Variants in PTPRD observed in about 807,000 individuals in gnomAD.
PTPRD encodes protein tyrosine phosphatase receptor type D.
PTPRD carries 34 observed loss-of-function variants against 214.5 expected under a neutral mutation model. The ratio of observed to expected loss-of-function variants is 0.16; its 90% CI spans 0.12 to 0.21. PTPRD has a LOEUF of 0.21. Among genes scored for constraint, PTPRD ranks in the 10% least tolerant of loss-of-function variants. The probability of loss-of-function intolerance (pLI) is 1.00; values close to 1 mark genes in which losing one functional copy is unlikely to be tolerated. For synonymous variants in PTPRD, 1,128 were observed against 845.7 expected (o/e 1.33, Z -5.79); for missense variants, 2,545 against 2,398.7 (o/e 1.06, Z -1.27).
rs1007744095 is a variant in PTPRD, at chr9:10,236,870, A to G, written c.-545+104093T>C. On this transcript the variant is annotated intron_variant, in intron 3 of 45. Transcript: ENST00000381196. ...TAAGGTTAATTTTTGTTTATAACTG[A>G]CCATTAACCTGTAAAAAATACTTAC... Among the ~76,000 whole-genome samples, 7 of 151,942 alleles carry G rather than the reference A, an allele frequency of 4.6e-5. No individual in the cohort carries two copies. In the Admixed American group the frequency reaches 4.6e-4, roughly 10 times the overall value.
chr9:8,391,250 G>C (rs894860253), intron 36 of PTPRD, among the ~76,000 whole-genome samples: 1 of 151,998 alleles, frequency 6.6e-6, no homozygotes, highest in Non-Finnish European at 1.5e-5. Context: ...TTGTAAAGTT[G>C]ATCCTCTCAA....
intron 4 of PTPRD, among the ~76,000 whole-genome samples, chr9:9,990,035 A>G (rs968518075): frequency 6.6e-6 from 1 of 152,182 alleles, no homozygotes; most frequent in Non-Finnish European, 1.5e-5. Flanking sequence ...TGTGAGTAAC[A>G]TGGGGATCTG....
chr9:9,670,235 G>A (rs1460162924), intron 7 of PTPRD, among the ~76,000 whole-genome samples: 5 of 152,164 alleles, frequency 3.3e-5, no homozygotes, highest in African/African-American at 1.2e-4. Flanking sequence ...TGGTTTGGCT[G>A]TGTCCCCACC....
At chr9:9,808,097 T>C (rs2045991128) in intron 5 of PTPRD, among the ~76,000 whole-genome samples, 1 of 152,190 alleles carries the variant, frequency 6.6e-6, no homozygotes, top group Non-Finnish European at 1.5e-5. Context: ...AGATTATGAA[T>C]CCTTGTTTAA....
Position 8,939,591 on chromosome 9 carries a change from AT to A in PTPRD, c.-104+79105del, listed in dbSNP as rs938256635. ...ATATATACATAACACACACACACAC[AT>A]CAGCTTATTTCCAAATGTGCTCTGC... On this transcript the variant is annotated intron_variant, in intron 11 of 45. Coordinates refer to ENST00000381196, the MANE Select transcript of PTPRD (RefSeq NM_002839.4). 4.4e-3 allele frequency among the ~76,000 whole-genome samples: 675 copies of A among 151,884 alleles called. 4 individuals are homozygous for A. The highest frequency in any genetic ancestry group is 0.015 in the African/African-American group (614 of 41,480).
intron 11 of PTPRD, among the ~76,000 whole-genome samples, chr9:8,848,720 G>GTTAA (rs932364204): frequency 1.3e-5 from 2 of 151,980 alleles, no homozygotes; most frequent in Non-Finnish European, 2.9e-5. Flanking sequence ...GAGTGAGGAG[G>GTTAA]TTAAGAGTGA....
chr9:9,531,590 C>T (rs936668008), intron 8 of PTPRD, among the ~76,000 whole-genome samples: 2 of 152,060 alleles, frequency 1.3e-5, no homozygotes, highest in African/African-American at 2.4e-5. Flanking sequence ...TAGCATGTAT[C>T]GGTATCTCAT....
intron 4 of PTPRD, among the ~76,000 whole-genome samples, chr9:10,000,056 G>C (rs531471482): frequency 2.6e-5 from 4 of 152,246 alleles, no homozygotes; most frequent in Admixed American, 2.6e-4. Flanking sequence ...AAGTTATTTA[G>C]CCACCGAATA....
chr9:9,381,385 A>G (rs1054439649), intron 9 of PTPRD, among the ~76,000 whole-genome samples: 2 of 131,666 alleles, frequency 1.5e-5, no homozygotes, highest in Admixed American at 8.1e-5. Flanking sequence ...TTTTTTTGAC[A>G]GGGTCTTACT....
chr9:8,914,951 T>C (rs2098774185), intron 11 of PTPRD, among the ~76,000 whole-genome samples: 1 of 152,114 alleles, frequency 6.6e-6, no homozygotes, highest in Admixed American at 6.6e-5. Context: ...AGATATGTGA[T>C]GAAAGCATGT....
intron 5 of PTPRD, among the ~76,000 whole-genome samples, chr9:9,824,649 G>A (rs2052050578): frequency 6.6e-6 from 1 of 151,970 alleles, no homozygotes; most frequent in Non-Finnish European, 1.5e-5. Context: ...TATTTCAGTT[G>A]TAAAAGATAT....
intron 10 of PTPRD, among the ~76,000 whole-genome samples, chr9:9,068,736 C>T (rs529324015): frequency 6.6e-6 from 1 of 152,164 alleles, no homozygotes; most frequent in South Asian, 2.1e-4. Flanking sequence ...CTCAGCCTCC[C>T]TAGTAGCTGG....
intron 8 of PTPRD, among the ~76,000 whole-genome samples, chr9:9,413,902 A>C (rs769564021): frequency 4.3e-4 from 65 of 152,204 alleles, no homozygotes; most frequent in Admixed American, 3.9e-4. Flanking sequence ...GTAATACATA[A>C]TTACTGATAC....
chr9:10,202,821 G>C (rs767941428), intron 3 of PTPRD, among the ~76,000 whole-genome samples: 1 of 151,370 alleles, frequency 6.6e-6, no homozygotes, highest in Non-Finnish European at 1.5e-5. Context: ...CATCCTCCTC[G>C]CTGCTCTCTG....
intron 3 of PTPRD, among the ~76,000 whole-genome samples, chr9:10,319,881 A>C (rs10511544): frequency 0.31 from 47,331 of 151,782 alleles, 8,713 homozygotes; most frequent in African/African-American, 0.51. Flanking sequence ...TTCACTTCCT[A>C]CCATAAGTTA....
At chr9:9,349,993 G>T (rs1182240101) in intron 9 of PTPRD, among the ~76,000 whole-genome samples, 1 of 152,010 alleles carries the variant, frequency 6.6e-6, no homozygotes, top group Non-Finnish European at 1.5e-5. Flanking sequence ...TGTAACCTTG[G>T]TCCTTGAAAC....
At chr9:10,145,742 G>A (rs1053482878) in intron 3 of PTPRD, among the ~76,000 whole-genome samples, 2 of 151,910 alleles carry the variant, frequency 1.3e-5, no homozygotes, top group Non-Finnish European at 2.9e-5. Flanking sequence ...TATACTACAC[G>A]TATATATACA....
At chr9:10,435,724 A>G (rs1305481515) in intron 2 of PTPRD, among the ~76,000 whole-genome samples, 1 of 151,902 alleles carries the variant, frequency 6.6e-6, no homozygotes, top group East Asian at 1.9e-4. Flanking sequence ...AATATGTTTT[A>G]TTATCCTGTA....
intron 14 of PTPRD, among the ~76,000 whole-genome samples, chr9:8,597,359 C>A (rs566937300): frequency 6.6e-6 from 1 of 152,078 alleles, no homozygotes. Flanking sequence ...CCTCCCCTTA[C>A]CAATTATGTT....
Sources: allele counts gnomAD v4.1 joint callset (sites outside exome capture counted in the v4.1 genomes callset), GRCh38; gene constraint gnomAD v4.1.1; transcripts MANE v1.5; gene names NCBI Gene and HGNC (gene_info 2026-07-23, HGNC 2026-07-21).